SBK1: variants seen among roughly 807,000 people sequenced by gnomAD.
SBK1 encodes serine/threonine-protein kinase SBK1.
Under a neutral mutation model 24.4 loss-of-function variants are expected in SBK1, and 11 were observed. The observed-to-expected ratio is 0.45, with a 90% CI of 0.28 to 0.75. SBK1 has a LOEUF of 0.75. Among genes scored for constraint, SBK1 ranks in the 30% least tolerant of loss-of-function variants. The pLI, the probability that SBK1 is intolerant of heterozygous loss-of-function variation, is 0.12. For missense variants in SBK1, 467 were observed against 620.5 expected (o/e 0.75, Z 2.63); for synonymous variants, 308 against 284.4 (o/e 1.08, Z -0.83).
rs1389358438 is a variant in SBK1, at chr16:28,319,803, C to A, written c.430-273C>A. Among the ~76,000 whole-genome samples, 4 of 152,046 alleles carry A rather than the reference C, an allele frequency of 2.6e-5. No individual in the cohort carries two copies. Among genetic ancestry groups the A allele is most frequent in the Non-Finnish European group, 4.4e-5 (3 of 67,986 alleles). ...ACAGCAGGTGGAGGGCGCCGCGGAC[C>A]CCCTCATCAACCTCCTGGAGAGCCG... On this transcript the variant is annotated intron_variant, in intron 3 of 3. Transcript: ENST00000341901. The surrounding 1 kb of genome is among the most constrained non-coding windows in gnomAD (Gnocchi z 4.0).
upstream of SBK1, chr16:28,258,978 G>A (rs2044379249): frequency 6.5e-6 from 1 of 152,680 alleles, no homozygotes; most frequent in East Asian, 1.9e-4. Flanking sequence ...CTGGGGCACG[G>A]GACACCTGCA....
At chr16:28,280,260 TAC>T (rs1407100484) in intron 1 of SBK1, among the ~76,000 whole-genome samples, 7 of 143,174 alleles carry the variant, frequency 4.9e-5, no homozygotes. Context: ...TCTGTATATA[TAC>T]GTATATATGT....
At chr16:28,294,116 A>G (rs947694943) in intron 1 of SBK1, among the ~76,000 whole-genome samples, 2 of 152,124 alleles carry the variant, frequency 1.3e-5, no homozygotes, top group Admixed American at 1.3e-4. Context: ...CAGACAACCA[A>G]GGGCCAATTC....
chr16:28,306,247 GGGGGAA>G (rs2044715894), intron 1 of SBK1, among the ~76,000 whole-genome samples: 1 of 152,188 alleles, frequency 6.6e-6, no homozygotes, highest in South Asian at 2.1e-4. Flanking sequence ...TTTCCATCAT[GGGGGAA>G]GGGGAGAGCC....
rs981636007 is a variant in SBK1, at chr16:28,295,263, A to G, written c.-8+1963A>G. 1.6e-4 allele frequency among the ~76,000 whole-genome samples: 25 copies of G among 152,158 alleles called. 1 individual carries two copies. Among genetic ancestry groups the G allele is most frequent in the Admixed American group, 1.4e-3 (22 of 15,286 alleles). ...TCCAGAATCAAGTCGCTGAGTCCAG[A>G]TAGTCTCTGGACTGCAGCCTGGCCC... is the stretch of plus-strand genomic sequence containing the variant. On this transcript the variant is annotated intron_variant, in intron 1 of 3. Coordinates refer to ENST00000341901, the MANE Select transcript of SBK1 (RefSeq NM_001024401.3).
intron 1 of SBK1, among the ~76,000 whole-genome samples, chr16:28,260,209 C>G (rs1489592533): frequency 6.6e-6 from 1 of 151,992 alleles, no homozygotes; most frequent in Non-Finnish European, 1.5e-5. Context: ...TTTGTGGGAG[C>G]AGGTATGAGT....
intron 1 of SBK1, among the ~76,000 whole-genome samples, chr16:28,284,107 G>A (rs189970800): frequency 7.0e-4 from 106 of 152,324 alleles, no homozygotes; most frequent in African/African-American, 2.4e-3. Flanking sequence ...TTGGTAACAC[G>A]ACGCTTGTCG....
chr16:28,280,129 A>G (rs1393803445), intron 1 of SBK1, among the ~76,000 whole-genome samples: 19 of 66,126 alleles, frequency 2.9e-4, no homozygotes, highest in Non-Finnish European at 5.7e-4. Context: ...ATATATATAT[A>G]TATATATATA....
chr16:28,276,868 G>T (rs1462935321), intron 1 of SBK1, among the ~76,000 whole-genome samples: 1 of 152,076 alleles, frequency 6.6e-6, no homozygotes, highest in Non-Finnish European at 1.5e-5. Flanking sequence ...GTTTCACCGT[G>T]TTAGCCAGGA....
chr16:28,319,182 C>T lies in SBK1; in HGVS notation c.414C>T (p.Asp138=). Reference sequence around the variant, plus strand: ...ACGCACCTGCTGGGGACCTGTTTGACATCATCCCTCCCCAGGTACTCGGGA... The same window carrying T: ...ACGCACCTGCTGGGGACCTGTTTGATATCATCCCTCCCCAGGTACTCGGGA... The part of the protein sequence containing the change: ...QEYAPAGDLF[D]IIPPQVGLPE... Residue 138 remains aspartate (D), a synonymous_variant, in exon 3 of 4, where the codon GAC becomes GAT. Coordinates refer to ENST00000341901, the MANE Select transcript of SBK1 (RefSeq NM_001024401.3). The surrounding 1 kb of genome is among the most constrained non-coding windows in gnomAD (Gnocchi z 4.0). 2 of 1,613,958 alleles carry T rather than the reference C, an allele frequency of 1.2e-6. No individual in the cohort carries two copies. Among genetic ancestry groups the T allele is most frequent in the Admixed American group, 1.7e-5 (1 of 60,012 alleles).
chr16:28,275,458 G>C (rs1891587934), intron 1 of SBK1, among the ~76,000 whole-genome samples: 1 of 152,154 alleles, frequency 6.6e-6, no homozygotes, highest in Non-Finnish European at 1.5e-5. Context: ...AAGAGACTGG[G>C]AAGTTGCAGA....
rs2044387203 is a variant in SBK1, at chr16:28,259,988, C to G, written c.257+486C>G. Among the ~76,000 whole-genome samples, 1 of 152,166 alleles carries G rather than the reference C, an allele frequency of 6.6e-6. No homozygotes were observed. Among genetic ancestry groups the G allele is most frequent in the Non-Finnish European group, 1.5e-5 (1 of 68,028 alleles). ...CTGGATGTCCCTGTCCCACCCTAAC[C>G]TGAGAGCCACCTTTCCATCCTGCAC... On this transcript the variant is annotated intron_variant, in intron 1 of 3. Transcript: ENST00000671413. The surrounding 1 kb of genome is among the most constrained non-coding windows in gnomAD (Gnocchi z 6.0).
chr16:28,273,852 T>C (rs922794733), intron 1 of SBK1, among the ~76,000 whole-genome samples: 8 of 152,230 alleles, frequency 5.3e-5, no homozygotes, highest in African/African-American at 1.7e-4. Flanking sequence ...ACAATGTCCT[T>C]CTATAGGTAC....
At chr16:28,281,091 G>A (rs1377341369) in intron 1 of SBK1, among the ~76,000 whole-genome samples, 1 of 152,060 alleles carries the variant, frequency 6.6e-6, no homozygotes, top group African/African-American at 2.4e-5. Context: ...ACAGACCCTG[G>A]TAACAGCAGG....
rs1468620698 is a variant in SBK1 at position 28,272,629 on chromosome 16, T to C, written c.257+13127T>C. 4.7e-3 allele frequency among the ~76,000 whole-genome samples: 669 copies of C among 141,348 alleles called. 6 individuals are homozygous for C. The highest frequency in any genetic ancestry group is 0.017 in the African/African-American group (643 of 38,568). The allele number at this position is 141,348 out of a possible 152,430, so 92.7% of individuals were successfully genotyped here. On this transcript the variant is annotated intron_variant, in intron 1 of 3. Coordinates refer to the SBK1 transcript ENST00000671413. ...TTTCTTTCTTTCTTTCTTTTTTTTT[T>C]TTTTTTTTTTGAGACGGAGTCTCAC...
chr16:28,288,441 T>G (rs928389362), upstream of SBK1, among the ~76,000 whole-genome samples: 2 of 152,216 alleles, frequency 1.3e-5, no homozygotes, highest in Non-Finnish European at 2.9e-5. Flanking sequence ...TGTGAGCCTC[T>G]CTTTCTATGG....
intron 1 of SBK1, among the ~76,000 whole-genome samples, chr16:28,262,792 G>A (rs1226449742): frequency 1.3e-5 from 2 of 152,208 alleles, no homozygotes; most frequent in African/African-American, 2.4e-5. Flanking sequence ...TAATTAAGGT[G>A]AGGCAAGCTG....
At chr16:28,309,786 A>T (rs1248058390) in intron 1 of SBK1, among the ~76,000 whole-genome samples, 1 of 152,086 alleles carries the variant, frequency 6.6e-6, no homozygotes, top group African/African-American at 2.4e-5. Context: ...TTTTGTGAGG[A>T]CTCAATGAAT....
intron 1 of SBK1, among the ~76,000 whole-genome samples, chr16:28,309,119 T>G (rs1306313490): frequency 6.6e-6 from 1 of 152,180 alleles, no homozygotes; most frequent in Non-Finnish European, 1.5e-5. Flanking sequence ...TTCCACACAG[T>G]GACCTGGGGA....
Sources: gnomAD v4.1 joint callset for allele counts (sites outside exome capture counted in the v4.1 genomes callset) on GRCh38, gnomAD v4.1.1 for gene constraint, Gnocchi (gnomAD v3.1) non-coding constraint, MANE v1.5 for transcripts, NCBI Gene and HGNC (gene_info 2026-07-23, HGNC 2026-07-21) for gene names.